The following THSD7B variants were observed in gnomAD, a reference collection of about 807,000 sequenced individuals.
THSD7B encodes the protein thrombospondin type 1 domain containing 7B, also known as thrombospondin type-1 domain-containing protein 7B.
In THSD7B, 138 loss-of-function variants were observed where a neutral mutation model predicts 213.6. The observed-to-expected ratio is 0.65, with a 90% confidence interval of 0.56 to 0.74. The LOEUF is 0.74. Ranked by LOEUF, THSD7B falls within the 30% of genes least tolerant of loss-of-function variation. The pLI, the probability that THSD7B is intolerant of heterozygous loss-of-function variation, is 0.00. For missense variants in THSD7B, 1,931 were observed against 1,991.5 expected (o/e 0.97, Z 0.58); for synonymous variants, 742 against 687.0 (o/e 1.08, Z -1.25).
At chr2:137,118,321 A>G (rs972383253) in intron 5 of THSD7B, among the ~76,000 whole-genome samples, 1 of 152,206 alleles carries the variant, frequency 6.6e-6, no homozygotes, top group Non-Finnish European at 1.5e-5. Context: ...CTCAGAAAGT[A>G]AAACATGAAT....
intron 2 of THSD7B, among the ~76,000 whole-genome samples, chr2:136,962,722 G>A (rs1685243526): frequency 6.6e-6 from 1 of 152,052 alleles, no homozygotes. Context: ...GACATCTGAG[G>A]AAAAATTGTC....
chr2:136,866,251 A>C (rs1425531918), intron 1 of THSD7B, among the ~76,000 whole-genome samples: 1 of 151,168 alleles, frequency 6.6e-6, no homozygotes, highest in Non-Finnish European at 1.5e-5. Context: ...TTTTTGTTTT[A>C]ATGCTTTTAA....
chr2:136,843,130 A>G (rs1682943902), intron 1 of THSD7B, among the ~76,000 whole-genome samples: 2 of 143,810 alleles, frequency 1.4e-5, no homozygotes. Flanking sequence ...GCTTCCAAAT[A>G]CGGCATTGCT....
At chr2:136,844,313 G>A (rs1257964625) in intron 1 of THSD7B, among the ~76,000 whole-genome samples, 1 of 152,126 alleles carries the variant, frequency 6.6e-6, no homozygotes, top group Non-Finnish European at 1.5e-5. Context: ...GAACAAGGGA[G>A]GGAGAAGTGT....
At chr2:136,925,301 C>T (rs1684504726) in intron 2 of THSD7B, among the ~76,000 whole-genome samples, 1 of 152,134 alleles carries the variant, frequency 6.6e-6, no homozygotes, top group South Asian at 2.1e-4. Flanking sequence ...ATGTTATAGG[C>T]ATGGACTTTT....
In THSD7B at chr2:137,221,939, G is replaced by A. The variant is rs1342857693; in HGVS notation, c.1724-9105G>A. 2.6e-5 allele frequency among the ~76,000 whole-genome samples: 4 copies of A among 152,276 alleles called. No homozygotes were observed. In the East Asian group the frequency reaches 5.8e-4, roughly 22 times the overall value. On this transcript the variant is annotated intron_variant, in intron 7 of 27. Transcript: ENST00000409968. Reference sequence around the variant, plus strand: ...TTGAAGCTGGTCCAGATTCTTTTCTGCAGAGCTAGCTAGGCAGCTAAATGA... The same window carrying A: ...TTGAAGCTGGTCCAGATTCTTTTCTACAGAGCTAGCTAGGCAGCTAAATGA...
intron 19 of THSD7B, among the ~76,000 whole-genome samples, chr2:137,619,054 T>C (rs1379388270): frequency 1.3e-5 from 2 of 152,192 alleles, no homozygotes; most frequent in African/African-American, 4.8e-5. Flanking sequence ...CTCCTTTTTT[T>C]CCCTCTGTTC....
chr2:137,505,720 A>G (rs1052459846), intron 15 of THSD7B, among the ~76,000 whole-genome samples: 50 of 152,236 alleles, frequency 3.3e-4, no homozygotes, highest in Admixed American at 3.0e-3. Context: ...GGTGACTGCC[A>G]TTGAAAAGAC....
intron 14 of THSD7B, among the ~76,000 whole-genome samples, chr2:137,440,172 A>C (rs2105052256): frequency 6.6e-6 from 1 of 152,258 alleles, no homozygotes; most frequent in Middle Eastern, 3.4e-3. Flanking sequence ...CAGAAACTTG[A>C]TTGTCATGAT....
At chr2:137,276,718 ACCTGACCACTTT>A (rs1394938658) in intron 12 of THSD7B, among the ~76,000 whole-genome samples, 3 of 152,062 alleles carry the variant, frequency 2.0e-5, no homozygotes, top group Non-Finnish European at 2.9e-5. Context: ...TATTCTCAAA[ACCTGACCACTTT>A]CTCACTGAAG....
intron 3 of THSD7B, among the ~76,000 whole-genome samples, chr2:137,078,613 A>G (rs899975459): frequency 6.6e-6 from 1 of 151,748 alleles, no homozygotes; most frequent in Non-Finnish European, 1.5e-5. Flanking sequence ...TAATTTCTGC[A>G]TTTGTCTTTA....
chr2:137,079,237 T>C (rs1028935898), intron 3 of THSD7B, among the ~76,000 whole-genome samples: 1 of 152,184 alleles, frequency 6.6e-6, no homozygotes, highest in Non-Finnish European at 1.5e-5. Flanking sequence ...TTATTAAATA[T>C]ATATGTACTT....
chr2:137,444,963 T>A (rs1687505320), intron 14 of THSD7B, among the ~76,000 whole-genome samples: 1 of 151,946 alleles, frequency 6.6e-6, no homozygotes, highest in Non-Finnish European at 1.5e-5. Flanking sequence ...CGAATAGACA[T>A]TTTTTAAAAG....
At chr2:137,121,365 T>C (rs2104944167) in intron 5 of THSD7B, among the ~76,000 whole-genome samples, 1 of 152,304 alleles carries the variant, frequency 6.6e-6, no homozygotes, top group East Asian at 1.9e-4. Context: ...AAAATTTACT[T>C]TTTGAATGAT....
At chr2:137,263,938 A>G (rs1349016326) in intron 10 of THSD7B, among the ~76,000 whole-genome samples, 2 of 152,224 alleles carry the variant, frequency 1.3e-5, no homozygotes, top group Admixed American at 1.3e-4. Context: ...TAATAAATAC[A>G]AAGTTCATAT....
intron 11 of THSD7B, 118 bp from the exon 12 acceptor site, chr2:137,275,805 A>G: frequency 2.9e-6 from 2 of 698,086 alleles, no homozygotes; most frequent in East Asian, 2.8e-5. Context: ...CATTGATTTC[A>G]TATCCATTTT....
intron 7 of THSD7B, among the ~76,000 whole-genome samples, chr2:137,176,117 G>T (rs1257197117): frequency 6.6e-6 from 1 of 152,114 alleles, no homozygotes; most frequent in African/African-American, 2.4e-5. Flanking sequence ...TAGGATGAAA[G>T]AAGAATAGAT....
chr2:137,576,369 A>C (rs1165246976), intron 17 of THSD7B, among the ~76,000 whole-genome samples: 1 of 152,118 alleles, frequency 6.6e-6, no homozygotes, highest in Non-Finnish European at 1.5e-5. Context: ...CTCTAGCTGA[A>C]TGTATCAGGG....
rs919391981 is a variant in THSD7B, at chr2:136,977,685, G to T, written c.140-78735G>T. ...TCTCTTTGTTCTCATTAGTTTCAAA[G>T]AACTTCTTGATTTCTGCCTTAATTT... On this transcript the variant is annotated intron_variant, in intron 2 of 27. Transcript: ENST00000409968. Among the ~76,000 whole-genome samples, 4 of 152,032 alleles carry T rather than the reference G, an allele frequency of 2.6e-5. No homozygotes were observed. The East Asian group carries it at 7.7e-4, about 29-fold the overall frequency.
Sources: allele counts gnomAD v4.1 joint callset (sites outside exome capture counted in the v4.1 genomes callset), GRCh38; gene constraint gnomAD v4.1.1; transcripts MANE v1.5; gene names NCBI Gene and HGNC (gene_info 2026-07-23, HGNC 2026-07-21).